STK32B: variants seen among roughly 807,000 people sequenced by gnomAD.
STK32B encodes the protein serine/threonine-protein kinase 32B.
Under a neutral mutation model 52.6 loss-of-function variants are expected in STK32B, and 43 were observed. The observed-to-expected ratio is 0.82, with a 90% CI of 0.64 to 1.05. The LOEUF is 1.05. Among genes scored for constraint, STK32B ranks in the 50% least tolerant of loss-of-function variants. STK32B has a pLI of 0.00. For synonymous variants in STK32B, 238 were observed against 204.3 expected, an observed-to-expected ratio of 1.17 and a Z score of -1.41; for missense variants, 621 against 534.6, an observed-to-expected ratio of 1.16 and a Z score of -1.59.
At chr4:5,244,516 T>A (rs1725300252) in intron 3 of STK32B, among the ~76,000 whole-genome samples, 2 of 149,940 alleles carry the variant, frequency 1.3e-5, no homozygotes, top group African/African-American at 5.0e-5. Context: ...GTTGATCTTT[T>A]GAAAAAACTA....
At chr4:5,390,087 G>C (rs114307951) in intron 4 of STK32B, among the ~76,000 whole-genome samples, 417 of 152,330 alleles carry the variant, frequency 2.7e-3, no homozygotes, top group African/African-American at 9.9e-3. Context: ...GTTCACTTTG[G>C]ACTTCCACCC....
chr4:5,055,890 C>G (rs4689981), intron 1 of STK32B, among the ~76,000 whole-genome samples: 6 of 151,478 alleles, frequency 4.0e-5, no homozygotes, highest in Admixed American at 6.6e-5. Context: ...GAAATTATCA[C>G]CATCTATCAT....
chr4:5,056,787 A>G (rs1742023486), intron 1 of STK32B, among the ~76,000 whole-genome samples: 1 of 152,160 alleles, frequency 6.6e-6, no homozygotes, highest in African/African-American at 2.4e-5. Context: ...CCACTTTTGG[A>G]TTCAGGGGGT....
chr4:5,120,406 GA>G (rs1178266268), intron 1 of STK32B, among the ~76,000 whole-genome samples: 2 of 152,322 alleles, frequency 1.3e-5, no homozygotes, highest in East Asian at 3.9e-4. Context: ...GATTTTGAAA[GA>G]GGGAGAAAGC....
intron 1 of STK32B, among the ~76,000 whole-genome samples, chr4:5,052,755 C>A (rs1469352598): frequency 1.3e-5 from 2 of 152,122 alleles, no homozygotes; most frequent in African/African-American, 4.8e-5. Context: ...CCGAGCTGTG[C>A]CGTTTTTTAT....
the STK32B span, among the ~76,000 whole-genome samples, chr4:5,028,779 C>T: frequency 6.6e-6 from 1 of 152,162 alleles, no homozygotes; most frequent in Non-Finnish European, 1.5e-5. Flanking sequence ...ACAATGACCC[C>T]TGTATTAGTT....
chr4:5,446,993 G>T (rs1715514610), intron 7 of STK32B: 8 of 507,606 alleles, frequency 1.6e-5, no homozygotes, highest in Non-Finnish European at 2.9e-5. Flanking sequence ...GAGGCATTCA[G>T]TGGGGGAGGG....
chr4:5,065,962 G>A (rs1459972478), intron 1 of STK32B, among the ~76,000 whole-genome samples: 4 of 152,136 alleles, frequency 2.6e-5, no homozygotes, highest in Non-Finnish European at 4.4e-5. Context: ...GGCCTCAAGT[G>A]ATCTGCCCGC....
chr4:5,053,980 AAAATAAATAAAT>A (rs558541378), intron 1 of STK32B, among the ~76,000 whole-genome samples: 2 of 147,334 alleles, frequency 1.4e-5, no homozygotes, highest in Non-Finnish European at 3.0e-5. Context: ...GCTCCATCTC[AAAATAAATAAAT>A]AAATAAATAA....
At chr4:5,087,521 A>G (rs761888704) in intron 1 of STK32B, among the ~76,000 whole-genome samples, 163 of 152,148 alleles carry the variant, frequency 1.1e-3, no homozygotes, top group Non-Finnish European at 1.8e-3. Context: ...TGGATAAAAA[A>G]CAGCTATATG....
intron 2 of STK32B, among the ~76,000 whole-genome samples, chr4:5,147,474 GT>G (rs1204429332): frequency 6.6e-6 from 1 of 152,022 alleles, no homozygotes; most frequent in Non-Finnish European, 1.5e-5. Flanking sequence ...AGGAGAAGTG[GT>G]GGGAGCAAGC....
In STK32B at chr4:5,051,696, G is replaced by C. The variant is rs1008518269; in HGVS notation, c.-168G>C. On this transcript the variant is annotated 5_prime_UTR_variant, in exon 1 of 12. Transcript: ENST00000282908. ...CAGTCGGAAGGGCGTCCAGGAGAAG[G>C]GGGACGCCGTCCCCGCCCCTGCACG... 1 of 782,418 alleles carries C rather than the reference G, an allele frequency of 1.3e-6. No individual in the cohort carries two copies. The highest frequency in any genetic ancestry group is 1.9e-6 in the Non-Finnish European group (1 of 515,284). 48.5% of individuals were successfully genotyped at this position (782,418 alleles called of 1,614,324 possible).
At chr4:5,237,723 C>A (rs1207220239) in intron 3 of STK32B, among the ~76,000 whole-genome samples, 1 of 152,182 alleles carries the variant, frequency 6.6e-6, no homozygotes, top group African/African-American at 2.4e-5. Flanking sequence ...CAAGAACACA[C>A]CATGACAAAG....
intron 1 of STK32B, among the ~76,000 whole-genome samples, chr4:5,091,075 C>T (rs913873467): frequency 1.3e-5 from 2 of 152,046 alleles, no homozygotes; most frequent in Admixed American, 1.3e-4. Context: ...TTCTCAAATT[C>T]GTTGAAAAAT....
chr4:5,440,324 C>G (rs979411088), intron 6 of STK32B, among the ~76,000 whole-genome samples: 3 of 152,128 alleles, frequency 2.0e-5, no homozygotes, highest in Admixed American at 6.5e-5. Flanking sequence ...CTACACATCC[C>G]TTGTAAGTTG....
chr4:5,204,585 T>G (rs1248836343), intron 3 of STK32B, among the ~76,000 whole-genome samples: 1 of 152,144 alleles, frequency 6.6e-6, no homozygotes, highest in East Asian at 1.9e-4. Flanking sequence ...TTCTTCTGCC[T>G]TAGCCTCCTG....
chr4:5,090,787 C>T (rs6846083), intron 1 of STK32B, among the ~76,000 whole-genome samples: 24,072 of 152,094 alleles, frequency 0.16, 2,369 homozygotes, highest in African/African-American at 0.28. Context: ...TTCCCCATTG[C>T]TTGTTTTTGT....
At chr4:5,111,706 C>T (rs1273975059) in intron 1 of STK32B, among the ~76,000 whole-genome samples, 2 of 152,004 alleles carry the variant, frequency 1.3e-5, no homozygotes, top group African/African-American at 4.8e-5. Flanking sequence ...TGTCATTATG[C>T]GTCTGATACC....
chr4:5,428,087 T>C (rs1195567736), intron 6 of STK32B, among the ~76,000 whole-genome samples: 1 of 152,156 alleles, frequency 6.6e-6, no homozygotes, highest in Middle Eastern at 3.4e-3. Context: ...AATTTAGATA[T>C]ATTGTGCTTT....
Sources: gnomAD v4.1 joint callset for allele counts (sites outside exome capture counted in the v4.1 genomes callset) on GRCh38, gnomAD v4.1.1 for gene constraint, MANE v1.5 for transcripts, NCBI Gene and HGNC (gene_info 2026-07-23, HGNC 2026-07-21) for gene names.